Variants in SNTG1 observed in about 807,000 individuals in gnomAD.
The protein encoded by SNTG1 is gamma-1-syntrophin.
In SNTG1, 39 loss-of-function variants were observed where a neutral mutation model predicts 74.7. The observed-to-expected ratio is 0.52, with a 90% CI of 0.40 to 0.68. The LOEUF (loss-of-function observed/expected upper bound fraction) is 0.68, where lower values mean the gene tolerates loss of function less well. Ranked by LOEUF, SNTG1 falls within the 30% of genes least tolerant of loss-of-function variation. The probability of loss-of-function intolerance (pLI) is 0.00; values close to 1 mark genes in which losing one functional copy is unlikely to be tolerated. For missense variants in SNTG1, 685 were observed against 609.5 expected, an observed-to-expected ratio of 1.12 and a Z score of -1.30; for synonymous variants, 254 against 217.1, an observed-to-expected ratio of 1.17 and a Z score of -1.49.
In SNTG1 at chr8:50,215,999, A is replaced by C. The variant is rs549953188; in HGVS notation, c.-28+43364A>C. Among the ~76,000 whole-genome samples, 26 of 152,316 alleles carry C rather than the reference A, an allele frequency of 1.7e-4. 1 individual carries two copies. In the South Asian group the frequency reaches 5.2e-3, roughly 30 times the overall value. The stretch of plus-strand genomic sequence containing the variant: ...TTGTAAAATCAAGGAATTTTTTTAC[A>C]GAAAGCCAGAGAGTGTCTATCTCAC... On this transcript the variant is annotated intron_variant, in intron 2 of 18. Transcript: ENST00000642720.
In SNTG1 at chr8:50,030,601, T is replaced by G. The variant is rs1263331518; in HGVS notation, c.-103+118370T>G. On this transcript the variant is annotated intron_variant, in intron 1 of 18. Transcript: ENST00000642720. Reference sequence around the variant, plus strand: ...TTCTAACACCATTTATGGAACAGACTATCATTTCTCCACTTATTATTGTTT... The same window carrying G: ...TTCTAACACCATTTATGGAACAGACGATCATTTCTCCACTTATTATTGTTT... Among the ~76,000 whole-genome samples, 3 of 152,042 alleles carry G rather than the reference T, an allele frequency of 2.0e-5. No homozygotes were observed. The East Asian group carries it at 5.8e-4, about 29-fold the overall frequency.
intron 18 of SNTG1, among the ~76,000 whole-genome samples, chr8:50,779,028 T>C (rs1167911019): frequency 6.6e-6 from 1 of 152,150 alleles, no homozygotes; most frequent in African/African-American, 2.4e-5. Flanking sequence ...TGCGGCGTTA[T>C]TTCTGAGGGC....
chr8:50,133,885 G>A (rs115980962), intron 1 of SNTG1, among the ~76,000 whole-genome samples: 36 of 152,262 alleles, frequency 2.4e-4, no homozygotes, highest in African/African-American at 8.4e-4. Flanking sequence ...CTTTTTGAAA[G>A]ACACAGTCTA....
At chr8:50,026,375 C>T (rs1817264360) in intron 1 of SNTG1, among the ~76,000 whole-genome samples, 1 of 152,090 alleles carries the variant, frequency 6.6e-6, no homozygotes, top group South Asian at 2.1e-4. Context: ...TGCACAAGAG[C>T]CTAATGTATT....
intron 17 of SNTG1, among the ~76,000 whole-genome samples, chr8:50,736,978 T>C (rs965476934): frequency 1.3e-5 from 2 of 151,734 alleles, no homozygotes; most frequent in African/African-American, 4.8e-5. Flanking sequence ...CTAAAATCAA[T>C]ACCCTATCAG....
chr8:50,372,061 G>A (rs1381088159), intron 2 of SNTG1, among the ~76,000 whole-genome samples: 1 of 152,004 alleles, frequency 6.6e-6, no homozygotes, highest in Admixed American at 6.6e-5. Flanking sequence ...TTGCCATTTC[G>A]TTATTGTTTT....
intron 1 of SNTG1, among the ~76,000 whole-genome samples, chr8:50,118,298 C>A (rs1411990298): frequency 6.7e-6 from 1 of 149,152 alleles, no homozygotes; most frequent in Non-Finnish European, 1.5e-5. Context: ...CATTTTTCCC[C>A]TTCAGGTTTT....
At chr8:50,778,583 A>G (rs1245973525) in intron 18 of SNTG1, among the ~76,000 whole-genome samples, 1 of 151,918 alleles carries the variant, frequency 6.6e-6, no homozygotes, top group African/African-American at 2.4e-5. Context: ...GTTTGAGTTC[A>G]TAGTAGATTC....
intron 1 of SNTG1, among the ~76,000 whole-genome samples, chr8:50,049,957 G>C (rs777378751): frequency 1.3e-5 from 2 of 151,724 alleles, no homozygotes; most frequent in Non-Finnish European, 2.9e-5. Context: ...TTCAGCAAAA[G>C]CAATGTTTAG....
chr8:50,631,984 A>G (rs1563671188), intron 13 of SNTG1, among the ~76,000 whole-genome samples: 2 of 152,344 alleles, frequency 1.3e-5, no homozygotes, highest in East Asian at 3.9e-4. Context: ...AAAGTAACTC[A>G]GAGTATATGA....
intron 15 of SNTG1, among the ~76,000 whole-genome samples, chr8:50,692,999 G>A (rs185782675): frequency 9.2e-5 from 14 of 152,276 alleles, no homozygotes; most frequent in East Asian, 7.7e-4. Context: ...GATTGATCTC[G>A]GACTGCTGTG....
intron 15 of SNTG1, among the ~76,000 whole-genome samples, chr8:50,673,719 T>C (rs1299319275): frequency 6.6e-6 from 1 of 152,186 alleles, no homozygotes; most frequent in African/African-American, 2.4e-5. Context: ...CTATGTTGAA[T>C]AGGAGTGGTG....
At chr8:50,638,372 G>A (rs2095052011) in intron 13 of SNTG1, among the ~76,000 whole-genome samples, 1 of 152,104 alleles carries the variant, frequency 6.6e-6, no homozygotes, top group Non-Finnish European at 1.5e-5. Context: ...GTCTGAAAGT[G>A]AGGTGCCACT....
intron 1 of SNTG1, among the ~76,000 whole-genome samples, chr8:49,955,763 C>T (rs370943886): frequency 2.0e-4 from 30 of 152,168 alleles, no homozygotes; most frequent in East Asian, 7.7e-4. Context: ...TGGTGGCCCA[C>T]GCTGCAAAAC....
chr8:50,750,118 A>G (rs1313463508), intron 17 of SNTG1, among the ~76,000 whole-genome samples: 1 of 152,026 alleles, frequency 6.6e-6, no homozygotes, highest in Non-Finnish European at 1.5e-5. Context: ...ATAAATAGGG[A>G]TTTGGAAGAA....
intron 1 of SNTG1, among the ~76,000 whole-genome samples, chr8:50,162,066 T>C (rs2082434683): frequency 6.6e-6 from 1 of 152,138 alleles, no homozygotes; most frequent in Non-Finnish European, 1.5e-5. Context: ...TGTGGTTGAA[T>C]TGAATTGTAC....
chr8:50,502,751 T>C (rs1226391968), intron 8 of SNTG1, 27 bp from the exon 9 acceptor site: 1 of 1,555,046 alleles, frequency 6.4e-7, no homozygotes, highest in Non-Finnish European at 8.9e-7. Context: ...GTAATGATGA[T>C]TGTATTCTTT....
intron 1 of SNTG1, among the ~76,000 whole-genome samples, chr8:50,048,353 G>A (rs1347120569): frequency 6.6e-6 from 1 of 152,120 alleles, no homozygotes; most frequent in Non-Finnish European, 1.5e-5. Context: ...TATGAAATAA[G>A]AAATCTGACA....
chr8:50,555,892 A>G (rs1209328597), intron 12 of SNTG1, among the ~76,000 whole-genome samples: 2 of 152,276 alleles, frequency 1.3e-5, no homozygotes, highest in Non-Finnish European at 2.9e-5. Flanking sequence ...AGACAGGGGA[A>G]GGATAAAAGC....
Sources: allele counts gnomAD v4.1 joint callset (sites outside exome capture counted in the v4.1 genomes callset), GRCh38; gene constraint gnomAD v4.1.1; transcripts MANE v1.5; gene names NCBI Gene and HGNC (gene_info 2026-07-23, HGNC 2026-07-21).